OR9Q1: variants seen among roughly 807,000 people sequenced by gnomAD.
OR9Q1 encodes the protein olfactory receptor family 9 subfamily Q member 1.
For synonymous variants in OR9Q1, 153 were observed against 148.6 expected (o/e 1.03, Z -0.22); for missense variants, 374 against 378.8 (o/e 0.99, Z 0.11).
intron 2 of OR9Q1, among the ~76,000 whole-genome samples, chr11:58,103,080 T>G (rs1156606094): frequency 6.6e-6 from 1 of 152,116 alleles, no homozygotes; most frequent in Admixed American, 6.6e-5. Flanking sequence ...AGGGCATACC[T>G]GAGACTGGAT....
In OR9Q1 at chr11:58,165,160, A is replaced by G. The variant is rs79259591; in HGVS notation, c.-14-14271A>G. Among the ~76,000 whole-genome samples the G allele has an allele frequency of 2.8e-4, 42 of 152,330 alleles. No individual in the cohort carries two copies. In the East Asian group the frequency reaches 7.9e-3, roughly 29 times the overall value. Reference sequence around the variant, plus strand: ...GGTTCTCCCCTGTGCCCCCATGCCTAAAGCAGTCCCTGGAAGATAATAAGT... The same window carrying G: ...GGTTCTCCCCTGTGCCCCCATGCCTGAAGCAGTCCCTGGAAGATAATAAGT... On this transcript the variant is annotated intron_variant, in intron 2 of 2. Transcript: ENST00000335397.
chr11:58,031,674 C>CCTT, intron 1 of OR9Q1: 4 of 1,613,872 alleles, frequency 2.5e-6, no homozygotes, highest in Non-Finnish European at 3.4e-6. Flanking sequence ...CGCTGGAAGG[C>CCTT]CTTCTCTACC....
chr11:58,084,023 C>T (rs1197702197), intron 2 of OR9Q1, among the ~76,000 whole-genome samples: 1 of 151,904 alleles, frequency 6.6e-6, no homozygotes, highest in African/African-American at 2.4e-5. Context: ...ATAAGAATAG[C>T]ATTGGATCTG....
intron 2 of OR9Q1, among the ~76,000 whole-genome samples, chr11:58,124,812 GC>G (rs1854072501): frequency 6.6e-6 from 1 of 152,172 alleles, no homozygotes; most frequent in African/African-American, 2.4e-5. Context: ...ACGCTGTGCT[GC>G]TTTTCCTAAT....
intron 2 of OR9Q1, among the ~76,000 whole-genome samples, chr11:58,083,233 G>T (rs866653237): frequency 4.6e-5 from 7 of 152,154 alleles, no homozygotes; most frequent in South Asian, 2.1e-4. Context: ...CATATGGCTA[G>T]CCAGTTTTCC....
Position 58,101,625 on chromosome 11 carries a change from G to A in OR9Q1, c.-15+45678G>A, listed in dbSNP as rs564770699. Among the ~76,000 whole-genome samples the A allele has an allele frequency of 2.0e-4, 30 of 152,126 alleles. No homozygotes were observed. The South Asian group carries it at 5.0e-3, about 25-fold the overall frequency. Reference sequence around the variant, plus strand: ...GATTATTTCTTTTGCTGTACAGAGCGTTTTAGTTTAATTAGGTCCCATTTA... The same window carrying A: ...GATTATTTCTTTTGCTGTACAGAGCATTTTAGTTTAATTAGGTCCCATTTA... On this transcript the variant is annotated intron_variant, in intron 2 of 2. Transcript: ENST00000335397.
intron 2 of OR9Q1, among the ~76,000 whole-genome samples, chr11:58,131,823 GCCTCTC>G (rs1445578560): frequency 6.6e-6 from 1 of 151,978 alleles, no homozygotes; most frequent in Non-Finnish European, 1.5e-5. Context: ...TGGCTTATAG[GCCTCTC>G]CCACTTGAGA....
At chr11:58,150,996 T>C (rs1342375991) in intron 2 of OR9Q1, among the ~76,000 whole-genome samples, 3 of 152,312 alleles carry the variant, frequency 2.0e-5, no homozygotes, top group Middle Eastern at 3.4e-3. Context: ...TCCAATGTCA[T>C]GAAGCTTTTC....
intron 1 of OR9Q1, chr11:58,030,983 G>A (rs1307249463): frequency 1.2e-6 from 2 of 1,614,028 alleles, no homozygotes; most frequent in Non-Finnish European, 1.7e-6. Flanking sequence ...CTGGACCCAG[G>A]TAACTGAATT....
At chr11:58,064,257 C>T (rs974123189) in intron 2 of OR9Q1, among the ~76,000 whole-genome samples, 6 of 152,212 alleles carry the variant, frequency 3.9e-5, no homozygotes, top group Non-Finnish European at 7.3e-5. Flanking sequence ...CAAACCAGCA[C>T]TAGTCCATGG....
intron 1 of OR9Q1, among the ~76,000 whole-genome samples, chr11:58,034,961 G>A (rs1853086562): frequency 1.3e-5 from 2 of 151,744 alleles, no homozygotes; most frequent in African/African-American, 4.8e-5. Context: ...CTGAGTAGCT[G>A]GGACTACAGG....
intron 2 of OR9Q1, among the ~76,000 whole-genome samples, chr11:58,176,886 C>T (rs1410374041): frequency 6.6e-6 from 1 of 152,096 alleles, no homozygotes; most frequent in Non-Finnish European, 1.5e-5. Flanking sequence ...CTTAGGATTT[C>T]TCCAAGCAGT....
rs116880506 is a variant in OR9Q1 at position 58,065,824 on chromosome 11, G to A, written c.-15+9877G>A. 7.1e-4 allele frequency among the ~76,000 whole-genome samples: 108 copies of A among 152,258 alleles called. 1 individual carries two copies. In the East Asian group the frequency reaches 0.018, roughly 26 times the overall value. On this transcript the variant is annotated intron_variant, in intron 2 of 2. Coordinates refer to ENST00000335397, the MANE Select transcript of OR9Q1 (RefSeq NM_001005212.4). ...TGCTCAGCTGCTCAGAGAGAACTAG[G>A]ACTAGAACAGACCCTCTAATGCTCA...
chr11:58,136,954 C>T (rs1854195023), intron 2 of OR9Q1, among the ~76,000 whole-genome samples: 1 of 152,124 alleles, frequency 6.6e-6, no homozygotes, highest in African/African-American at 2.4e-5. Flanking sequence ...GAGCATCTGC[C>T]TTTTTCTGTC....
intron 2 of OR9Q1, among the ~76,000 whole-genome samples, chr11:58,102,420 G>A (rs1430025761): frequency 2.6e-5 from 4 of 152,100 alleles, no homozygotes; most frequent in African/African-American, 2.4e-5. Flanking sequence ...ACTTCCAGAT[G>A]TAGGACTCCT....
chr11:58,091,058 T>G (rs1853679124), intron 2 of OR9Q1, among the ~76,000 whole-genome samples: 1 of 152,068 alleles, frequency 6.6e-6, no homozygotes, highest in Non-Finnish European at 1.5e-5. Flanking sequence ...TAGTGAGTAG[T>G]CCATCTATTT....
chr11:58,073,877 C>T (rs1853513723), intron 2 of OR9Q1, among the ~76,000 whole-genome samples: 1 of 152,146 alleles, frequency 6.6e-6, no homozygotes, highest in Non-Finnish European at 1.5e-5. Context: ...TGTTCAACAC[C>T]TACTTATGAG....
At chr11:58,070,531 T>C (rs913889718) in intron 2 of OR9Q1, among the ~76,000 whole-genome samples, 18 of 152,200 alleles carry the variant, frequency 1.2e-4, no homozygotes, top group African/African-American at 3.4e-4. Flanking sequence ...CTCACTGGTC[T>C]CATGTGGTTG....
At chr11:58,142,574 A>G (rs955788910) in intron 2 of OR9Q1, among the ~76,000 whole-genome samples, 1 of 152,166 alleles carries the variant, frequency 6.6e-6, no homozygotes, top group African/African-American at 2.4e-5. Flanking sequence ...TTTGCCAAAC[A>G]TTGATCAAGG....
Sources: allele counts gnomAD v4.1 joint callset (sites outside exome capture counted in the v4.1 genomes callset), GRCh38; gene constraint gnomAD v4.1.1; transcripts MANE v1.5; gene names NCBI Gene and HGNC (gene_info 2026-07-23, HGNC 2026-07-21).